The following ATRNL1 variants were observed in gnomAD, a reference collection of about 807,000 sequenced individuals.
ATRNL1 encodes attractin-like protein 1.
Under a neutral mutation model 182.7 loss-of-function variants are expected in ATRNL1, and 95 were observed. That is an observed-to-expected ratio of 0.52 (90% CI 0.44 to 0.62). The LOEUF is 0.62. Among genes scored for constraint, ATRNL1 ranks in the 20% least tolerant of loss-of-function variants. The pLI is 0.00. For missense variants in ATRNL1, 1,471 were observed against 1,679.5 expected (o/e 0.88, Z 2.17); for synonymous variants, 576 against 568.3 (o/e 1.01, Z -0.19).
intron 25 of ATRNL1, among the ~76,000 whole-genome samples, chr10:115,532,512 A>T (rs1361937688): frequency 6.6e-6 from 1 of 152,100 alleles, no homozygotes; most frequent in African/African-American, 2.4e-5. Flanking sequence ...TTATCAGTTT[A>T]AGGAGATTTT....
At chr10:115,315,161 C>T (rs552470878) in intron 17 of ATRNL1, among the ~76,000 whole-genome samples, 1 of 152,254 alleles carries the variant, frequency 6.6e-6, no homozygotes, top group East Asian at 1.9e-4. Context: ...ATAAGAATGG[C>T]TAACATGGAT....
At chr10:115,738,125 G>GTTTTTTTTTTTT (rs1565334914) in intron 27 of ATRNL1, among the ~76,000 whole-genome samples, 3 of 53,150 alleles carry the variant, frequency 5.6e-5, no homozygotes, top group Non-Finnish European at 7.6e-5. Context: ...AGAAGATAAT[G>GTTTTTTTTTTTT]ATTTTTTTTT....
intron 26 of ATRNL1, among the ~76,000 whole-genome samples, chr10:115,557,101 A>T (rs568544818): frequency 1.3e-5 from 2 of 152,232 alleles, no homozygotes; most frequent in African/African-American, 4.8e-5. Context: ...ACTTGTAAAG[A>T]TATCTGAGTT....
At chr10:115,513,169 T>A (rs1417874902) in intron 24 of ATRNL1, among the ~76,000 whole-genome samples, 1 of 151,962 alleles carries the variant, frequency 6.6e-6, no homozygotes, top group African/African-American at 2.4e-5. Flanking sequence ...GTTTCCAGTT[T>A]TATTAGAAGG....
chr10:115,873,473 A>G (rs941787935), intron 28 of ATRNL1, among the ~76,000 whole-genome samples: 1 of 152,248 alleles, frequency 6.6e-6, no homozygotes, highest in East Asian at 1.9e-4. Flanking sequence ...GTCAACGCAC[A>G]AAATACTTGC....
intron 20 of ATRNL1, among the ~76,000 whole-genome samples, chr10:115,409,837 C>G (rs890531154): frequency 6.6e-6 from 1 of 152,130 alleles, no homozygotes; most frequent in Non-Finnish European, 1.5e-5. Context: ...TTTCCCTATT[C>G]AAATTAGTGT....
At chr10:115,298,786 G>A (rs1853328592) in intron 15 of ATRNL1, among the ~76,000 whole-genome samples, 1 of 151,958 alleles carries the variant, frequency 6.6e-6, no homozygotes, top group Non-Finnish European at 1.5e-5. Context: ...ATTTTGTTTA[G>A]CAAAATTTAC....
intron 25 of ATRNL1, among the ~76,000 whole-genome samples, chr10:115,531,726 A>T (rs1481164536): frequency 2.0e-5 from 3 of 150,872 alleles, no homozygotes; most frequent in South Asian, 2.1e-4. Context: ...TGAATGGTAA[A>T]GCCTAGGTTT....
At position 115,160,208 on chromosome 10, in the gene ATRNL1, T is replaced by A. The variant is rs1846715050; in HGVS notation, c.998T>A (p.Val333Asp). The A allele has an allele frequency of 1.3e-6, 2 of 1,599,772 alleles. No homozygotes were observed. Among genetic ancestry groups the A allele is most frequent in the Non-Finnish European group, 1.7e-6 (2 of 1,172,590 alleles). ...TTTAACTACAGTTCTTTTCAAATGG[T>A]CCTAAAGTAAGTATTTATTTTCAGA... ...YTFNYSSFQMVLNYNLESSIW... is the reference protein window; with the variant it reads ...YTFNYSSFQMDLNYNLESSIW... Residue 333 changes from valine (V) to aspartate (D), a missense_variant, in exon 6 of 29, where the codon GTC becomes GAC. Transcript: ENST00000355044.
chr10:115,532,509 T>C (rs1214153123), intron 25 of ATRNL1, among the ~76,000 whole-genome samples: 23 of 152,086 alleles, frequency 1.5e-4, no homozygotes, highest in Non-Finnish European at 2.1e-4. Flanking sequence ...TGCTTATCAG[T>C]TTAAGGAGAT....
intron 20 of ATRNL1, among the ~76,000 whole-genome samples, chr10:115,407,488 A>T (rs1844888483): frequency 6.6e-6 from 1 of 151,860 alleles, no homozygotes; most frequent in African/African-American, 2.4e-5. Flanking sequence ...GCAGTGTTTA[A>T]CTTTCTATTC....
At chr10:115,803,019 A>T (rs1165920622) in intron 27 of ATRNL1, among the ~76,000 whole-genome samples, 3 of 152,174 alleles carry the variant, frequency 2.0e-5, no homozygotes, top group African/African-American at 7.2e-5. Context: ...CCAAAATTAC[A>T]CCTGAATTTC....
intron 27 of ATRNL1, among the ~76,000 whole-genome samples, chr10:115,804,808 G>A (rs146958094): frequency 3.4e-4 from 51 of 152,172 alleles, no homozygotes; most frequent in African/African-American, 1.2e-3. Flanking sequence ...GATCACAGGG[G>A]AGTTAATTGG....
intron 26 of ATRNL1, among the ~76,000 whole-genome samples, chr10:115,713,622 C>CGT (rs1947139054): frequency 7.8e-6 from 1 of 127,574 alleles, no homozygotes; most frequent in Non-Finnish European, 1.7e-5. Context: ...TATATATACA[C>CGT]ACACACACAC....
chr10:115,134,117 CAATT>C (rs1845392745), intron 5 of ATRNL1, among the ~76,000 whole-genome samples: 1 of 152,190 alleles, frequency 6.6e-6, no homozygotes, highest in South Asian at 2.1e-4. Flanking sequence ...CCTAACATCA[CAATT>C]AAAAGAACTA....
intron 19 of ATRNL1, among the ~76,000 whole-genome samples, chr10:115,352,915 C>T (rs1472703194): frequency 6.6e-6 from 1 of 152,044 alleles, no homozygotes; most frequent in East Asian, 1.9e-4. Context: ...AAAAAAACAA[C>T]AACAACAAAA....
intron 27 of ATRNL1, among the ~76,000 whole-genome samples, chr10:115,794,735 T>A (rs962414750): frequency 6.6e-6 from 1 of 152,196 alleles, no homozygotes; most frequent in Non-Finnish European, 1.5e-5. Flanking sequence ...TTGCTGATGA[T>A]GTTTGCTTTA....
intron 8 of ATRNL1, among the ~76,000 whole-genome samples, chr10:115,177,547 G>A (rs1847562524): frequency 6.6e-6 from 1 of 152,166 alleles, no homozygotes; most frequent in African/African-American, 2.4e-5. Flanking sequence ...GGCTTTAATT[G>A]ACACATAATC....
intron 27 of ATRNL1, among the ~76,000 whole-genome samples, chr10:115,831,293 G>T (rs1482583589): frequency 1.3e-5 from 2 of 152,122 alleles, no homozygotes; most frequent in Non-Finnish European, 2.9e-5. Flanking sequence ...CTCCTTCCTT[G>T]TATGTGTTTC....
Sources: gnomAD v4.1 joint callset for allele counts (sites outside exome capture counted in the v4.1 genomes callset) on GRCh38, gnomAD v4.1.1 for gene constraint, MANE v1.5 for transcripts, NCBI Gene and HGNC (gene_info 2026-07-23, HGNC 2026-07-21) for gene names.